NOS1AP: variants seen among roughly 807,000 people sequenced by gnomAD.
The protein encoded by NOS1AP is nitric oxide synthase 1 adaptor protein.
NOS1AP carries 21 observed loss-of-function variants against 56.2 expected under a neutral mutation model. The ratio of observed to expected loss-of-function variants is 0.37; its 90% CI spans 0.26 to 0.54. The LOEUF is 0.54. Among genes scored for constraint, NOS1AP ranks in the 20% least tolerant of loss-of-function variants. The probability of loss-of-function intolerance (pLI) is 0.84; values close to 1 mark genes in which losing one functional copy is unlikely to be tolerated. For missense variants in NOS1AP, 522 were observed against 657.8 expected, an observed-to-expected ratio of 0.79 and a Z score of 2.26; for synonymous variants, 270 against 274.6, an observed-to-expected ratio of 0.98 and a Z score of 0.17.
chr1:162,283,323 T>C (rs1458906688), intron 2 of NOS1AP, among the ~76,000 whole-genome samples: 1 of 152,124 alleles, frequency 6.6e-6, no homozygotes, highest in Non-Finnish European at 1.5e-5. Flanking sequence ...CTATTCCTTC[T>C]GTTTCTGAAG....
chr1:162,354,248 G>A (rs564299381), intron 6 of NOS1AP, among the ~76,000 whole-genome samples: 1 of 152,334 alleles, frequency 6.6e-6, no homozygotes, highest in East Asian at 1.9e-4. Context: ...TTGGTGCGTG[G>A]TCTCTGAAAA....
rs567859601 is a variant in NOS1AP, at chr1:162,286,402, G to C, written c.178-942G>C. The stretch of plus-strand genomic sequence containing the variant: ...AATCTGTAGCCCAGATGTTTGATTG[G>C]AGAGCTTGCAAGTGAAGTTTGCTAG... On this transcript the variant is annotated intron_variant, in intron 2 of 9. Transcript: ENST00000361897. Among the ~76,000 whole-genome samples, 8 of 152,298 alleles carry C rather than the reference G, an allele frequency of 5.3e-5. No individual in the cohort carries two copies. In the South Asian group the frequency reaches 1.5e-3, roughly 28 times the overall value.
intron 4 of NOS1AP, among the ~76,000 whole-genome samples, chr1:162,305,683 A>T (rs1370853626): frequency 1.3e-5 from 2 of 152,186 alleles, no homozygotes; most frequent in African/African-American, 4.8e-5. Flanking sequence ...ATTCTGTCTT[A>T]TCAGTGTAAA....
At chr1:162,258,021 T>C (rs1654087921) in intron 2 of NOS1AP, among the ~76,000 whole-genome samples, 1 of 152,204 alleles carries the variant, frequency 6.6e-6, no homozygotes, top group Non-Finnish European at 1.5e-5. Flanking sequence ...GGCTAAATTT[T>C]GAGCCTTATT....
At chr1:162,138,422 A>G (rs1649094513) in intron 1 of NOS1AP, among the ~76,000 whole-genome samples, 1 of 152,238 alleles carries the variant, frequency 6.6e-6, no homozygotes, top group Non-Finnish European at 1.5e-5. Context: ...GTATAAAAAT[A>G]CATACATTGA....
At chr1:162,266,980 C>A (rs1208324960) in intron 2 of NOS1AP, among the ~76,000 whole-genome samples, 1 of 152,114 alleles carries the variant, frequency 6.6e-6, no homozygotes, top group Non-Finnish European at 1.5e-5. Flanking sequence ...GGTACCAGAT[C>A]CTCTCTTTCT....
intron 8 of NOS1AP, among the ~76,000 whole-genome samples, chr1:162,361,562 T>C (rs1229996451): frequency 6.6e-6 from 1 of 152,242 alleles, no homozygotes; most frequent in Non-Finnish European, 1.5e-5. Flanking sequence ...GTACCACTTT[T>C]GACAGCTGCA....
At chr1:162,196,540 G>A (rs1651812073) in intron 2 of NOS1AP, among the ~76,000 whole-genome samples, 1 of 152,202 alleles carries the variant, frequency 6.6e-6, no homozygotes, top group African/African-American at 2.4e-5. Context: ...CTTCAGGAAT[G>A]TGCAGTCTGC....
chr1:162,176,168 A>AT (rs962819569), intron 2 of NOS1AP, among the ~76,000 whole-genome samples: 41 of 152,016 alleles, frequency 2.7e-4, no homozygotes, highest in African/African-American at 8.0e-4. Context: ...CCACTCAATG[A>AT]TTTTTTTTAA....
Position 162,081,774 on chromosome 1 carries a change from A to ATATATATATTTTTTTTTTTTTTTTT in NOS1AP, c.105+11493_105+11494insATATATATTTTTTTTTTTTTTTTTT. 6.4e-4 allele frequency among the ~76,000 whole-genome samples: 28 copies of ATATATATATTTTTTTTTTTTTTTTT among 44,048 alleles called. 1 individual carries two copies. Among genetic ancestry groups the ATATATATATTTTTTTTTTTTTTTTT allele is most frequent in the Middle Eastern group, 0.012 (1 of 86 alleles). 28.9% of individuals were successfully genotyped at this position (44,048 alleles called of 152,430 possible). A position where few individuals can be genotyped will look rare whatever the true frequency, so the allele number is the denominator to read the frequency against. On this transcript the variant is annotated intron_variant, in intron 1 of 9. Transcript: ENST00000361897. ...TCTATAGATATATATATATATATATATTTTTTTTTTGTAGAGATGGGTTTT... is the reference window on the plus strand; with the variant it reads ...TCTATAGATATATATATATATATATATATATATATTTTTTTTTTTTTTTTTTTTTTTTTTTGTAGAGATGGGTTTT...
chr1:162,152,091 C>T (rs1041741675), intron 1 of NOS1AP, among the ~76,000 whole-genome samples: 1 of 152,180 alleles, frequency 6.6e-6, no homozygotes, highest in African/African-American at 2.4e-5. Flanking sequence ...CTTTCTCAGT[C>T]CAGCAGTGCC....
chr1:162,131,884 C>T (rs965260622), intron 1 of NOS1AP, among the ~76,000 whole-genome samples: 1 of 152,218 alleles, frequency 6.6e-6, no homozygotes, highest in Non-Finnish European at 1.5e-5. Flanking sequence ...GGGCAAGTAT[C>T]TACAGTTCTC....
chr1:162,313,326 T>C (rs1220766225), intron 4 of NOS1AP, among the ~76,000 whole-genome samples: 1 of 152,246 alleles, frequency 6.6e-6, no homozygotes, highest in Non-Finnish European at 1.5e-5. Flanking sequence ...AAGAGTTTTA[T>C]AAAGGAAAGT....
In NOS1AP at chr1:162,105,999, C is replaced by T. The variant is rs114990415; in HGVS notation, c.105+35717C>T. Among the ~76,000 whole-genome samples, 1,426 of 152,248 alleles carry T rather than the reference C, an allele frequency of 9.4e-3. 26 individuals carry two copies. The highest frequency in any genetic ancestry group is 0.033 in the African/African-American group (1,369 of 41,536). On this transcript the variant is annotated intron_variant, in intron 1 of 9. Transcript: ENST00000361897. ...GGATCTCCCACCTTGCCATGGATGC[C>T]GGGGCCAGAGTATGCAAAACTCCTG...
chr1:162,105,542 T>C (rs531433164), intron 1 of NOS1AP, among the ~76,000 whole-genome samples: 102 of 152,212 alleles, frequency 6.7e-4, no homozygotes, highest in South Asian at 6.5e-3. Context: ...GGTGGCCGCC[T>C]CTCCCCCTGG....
At chr1:162,347,810 A>G (rs970608798) in intron 6 of NOS1AP, among the ~76,000 whole-genome samples, 1 of 152,112 alleles carries the variant, frequency 6.6e-6, no homozygotes, top group African/African-American at 2.4e-5. Flanking sequence ...CCTGCCCTGA[A>G]CATATAGTAA....
intron 2 of NOS1AP, among the ~76,000 whole-genome samples, chr1:162,272,526 G>T (rs112553339): frequency 6.6e-6 from 1 of 152,136 alleles, no homozygotes; most frequent in Non-Finnish European, 1.5e-5. Flanking sequence ...TAGAGATGAC[G>T]CGAGGAAGAA....
chr1:162,228,872 C>T (rs1248524825), intron 2 of NOS1AP, among the ~76,000 whole-genome samples: 1 of 152,142 alleles, frequency 6.6e-6, no homozygotes, highest in Non-Finnish European at 1.5e-5. Flanking sequence ...AAAAAAAATA[C>T]ACAGGAGAAT....
At chr1:162,156,815 T>G (rs1310054466) in intron 2 of NOS1AP, among the ~76,000 whole-genome samples, 1 of 152,208 alleles carries the variant, frequency 6.6e-6, no homozygotes, top group Non-Finnish European at 1.5e-5. Context: ...TATTATTACA[T>G]TTTATAGATG....
Sources: allele counts gnomAD v4.1 joint callset (sites outside exome capture counted in the v4.1 genomes callset), GRCh38; gene constraint gnomAD v4.1.1; transcripts MANE v1.5; gene names NCBI Gene and HGNC (gene_info 2026-07-23, HGNC 2026-07-21).